Variants in PTPN14 observed in about 807,000 individuals in gnomAD.
PTPN14 encodes the protein tyrosine-protein phosphatase non-receptor type 14.
In PTPN14, 53 loss-of-function variants were observed where a neutral mutation model predicts 126.8. That is an observed-to-expected ratio of 0.42 (90% CI 0.34 to 0.53). PTPN14 has a LOEUF of 0.53. Ranked by LOEUF, PTPN14 falls within the 20% of genes least tolerant of loss-of-function variation. The pLI is 0.08. For synonymous variants in PTPN14, 630 were observed against 599.3 expected, an observed-to-expected ratio of 1.05 and a Z score of -0.75; for missense variants, 1,257 against 1,552.9, an observed-to-expected ratio of 0.81 and a Z score of 3.20.
intron 3 of PTPN14, among the ~76,000 whole-genome samples, chr1:214,428,200 G>A (rs1659712793): frequency 6.6e-6 from 1 of 152,214 alleles, no homozygotes; most frequent in Non-Finnish European, 1.5e-5. Context: ...TACAGTGGAC[G>A]CAGAAGGAAG....
chr1:214,466,799 C>T (rs1328269624), intron 1 of PTPN14, among the ~76,000 whole-genome samples: 1 of 152,152 alleles, frequency 6.6e-6, no homozygotes, highest in African/African-American at 2.4e-5. Context: ...CCCCAAGACA[C>T]TTGGATGTAC....
At chr1:214,360,911 T>G (rs764365646) in intron 18 of PTPN14, among the ~76,000 whole-genome samples, 5 of 152,192 alleles carry the variant, frequency 3.3e-5, no homozygotes, top group Non-Finnish European at 5.9e-5. Context: ...CCTCTTGCTG[T>G]TCTTGTGACA....
At chr1:214,412,433 A>T (rs1243008388) in intron 4 of PTPN14, among the ~76,000 whole-genome samples, 1 of 152,170 alleles carries the variant, frequency 6.6e-6, no homozygotes, top group Non-Finnish European at 1.5e-5. Context: ...GTAACAAGAG[A>T]TATAGGATGA....
At chr1:214,363,860 G>A (rs1658009996) in intron 18 of PTPN14, among the ~76,000 whole-genome samples, 1 of 152,168 alleles carries the variant, frequency 6.6e-6, no homozygotes, top group Non-Finnish European at 1.5e-5. Context: ...GTCTCTCAGT[G>A]TAACTCCCTA....
At chr1:214,409,813 T>C (rs1319058536) in intron 5 of PTPN14, among the ~76,000 whole-genome samples, 4 of 152,256 alleles carry the variant, frequency 2.6e-5, no homozygotes, top group South Asian at 4.1e-4. Context: ...TCAATAACAC[T>C]TGTTATTGTT....
chr1:214,526,360 T>C (rs571504690), intron 1 of PTPN14, among the ~76,000 whole-genome samples: 1 of 152,258 alleles, frequency 6.6e-6, no homozygotes, highest in South Asian at 2.1e-4. Context: ...ATACCAACAG[T>C]AATTCAAATA....
At chr1:214,450,787 T>A (rs1161801560) in intron 3 of PTPN14, among the ~76,000 whole-genome samples, 2 of 152,204 alleles carry the variant, frequency 1.3e-5, no homozygotes, top group East Asian at 3.9e-4. Context: ...AAATGAACTA[T>A]ACCAACATCA....
In PTPN14 at chr1:214,383,638, C is replaced by T. The variant is rs763777645; in HGVS notation, c.2217G>A (p.Ala739=). 2.4e-5 allele frequency: 38 copies of T among 1,613,198 alleles called. No homozygotes were observed. Among genetic ancestry groups the T allele is most frequent in the East Asian group, 6.7e-5 (3 of 44,882 alleles). The change falls in exon 13 of 19, where the codon GCG becomes GCA. Residue 739 remains alanine (A), a synonymous_variant. Transcript: ENST00000366956. The surrounding 1 kb of genome is among the most constrained non-coding windows in gnomAD (Gnocchi z 4.4). Reference sequence around the variant, plus strand: ...GCTTGTTGGGGATGCGGGCCAGGGCCGCCTGCAGCTGGGCACTGTACTCCA... The same window carrying T: ...GCTTGTTGGGGATGCGGGCCAGGGCTGCCTGCAGCTGGGCACTGTACTCCA... ...EKMEYSAQLQ[A]ALARIPNKPP...
intron 5 of PTPN14, among the ~76,000 whole-genome samples, chr1:214,407,754 C>T (rs1489166404): frequency 6.6e-6 from 1 of 152,146 alleles, no homozygotes; most frequent in Non-Finnish European, 1.5e-5. Flanking sequence ...CCTTGCTTTG[C>T]TTTCTTGTTT....
chr1:214,504,508 C>G (rs1654785110), intron 1 of PTPN14, among the ~76,000 whole-genome samples: 1 of 152,156 alleles, frequency 6.6e-6, no homozygotes, highest in Admixed American at 6.5e-5. Flanking sequence ...CAACTTGACG[C>G]AAGCAAATGG....
chr1:214,490,824 G>A (rs369673295), intron 1 of PTPN14, among the ~76,000 whole-genome samples: 3 of 127,204 alleles, frequency 2.4e-5, no homozygotes, highest in African/African-American at 5.9e-5. Context: ...GTGACAGAGC[G>A]AGACGGAAGG....
Position 214,384,223 on chromosome 1 carries a change from G to A in PTPN14, c.1632C>T (p.Asn544=), listed in dbSNP as rs1658551761. The change falls in exon 13 of 19, where the codon AAC becomes AAT. Residue 544 remains asparagine, a synonymous_variant. Transcript: ENST00000366956. The surrounding 1 kb of genome is among the most constrained non-coding windows in gnomAD (Gnocchi z 5.3). ...AGTTATGGCTGCCCTGCAGCTGCAT[G>A]TTGGCCAGCTCTGGGGTGCTCACCG... The part of the protein sequence containing the change: ...SHTVSTPELA[N]MQLQGSHNYS... The A allele has an allele frequency of 6.2e-7, 1 of 1,613,516 alleles. No individual in the cohort carries two copies. Among genetic ancestry groups the A allele is most frequent in the Non-Finnish European group, 8.5e-7 (1 of 1,179,888 alleles).
chr1:214,507,222 T>C (rs183421006), intron 1 of PTPN14, among the ~76,000 whole-genome samples: 1 of 152,300 alleles, frequency 6.6e-6, no homozygotes, highest in Admixed American at 6.5e-5. Context: ...GAGCAGTAGG[T>C]CTCATCAAAG....
chr1:214,451,653 A>G, intron 3 of PTPN14, 152 bp downstream of exon 3: 1 of 878,850 alleles, frequency 1.1e-6, no homozygotes, highest in Non-Finnish European at 1.7e-6. Flanking sequence ...CAAAGCAATG[A>G]GTAAACAACC....
chr1:214,502,450 A>C (rs1414916445), intron 1 of PTPN14, among the ~76,000 whole-genome samples: 1 of 152,238 alleles, frequency 6.6e-6, no homozygotes, highest in African/African-American at 2.4e-5. Context: ...GTGGTAAACA[A>C]GAAAAACATA....
At chr1:214,474,442 T>C (rs556873310) in intron 1 of PTPN14, among the ~76,000 whole-genome samples, 115 of 152,258 alleles carry the variant, frequency 7.6e-4, no homozygotes, top group Non-Finnish European at 7.8e-4. Flanking sequence ...GGGGCTGTCA[T>C]TACAGACAAG....
chr1:214,443,464 G>A (rs968633444), intron 3 of PTPN14, among the ~76,000 whole-genome samples: 6 of 152,088 alleles, frequency 3.9e-5, no homozygotes, highest in Middle Eastern at 3.2e-3. Context: ...TTGTTCCCTT[G>A]AGGGTTTATT....
At chr1:214,549,910 C>A (rs1656064789) in intron 1 of PTPN14, among the ~76,000 whole-genome samples, 1 of 152,178 alleles carries the variant, frequency 6.6e-6, no homozygotes. Flanking sequence ...GCTATCCCAG[C>A]AACACTGCAC....
intron 1 of PTPN14, among the ~76,000 whole-genome samples, chr1:214,501,296 C>T (rs1232081685): frequency 6.6e-6 from 1 of 152,080 alleles, no homozygotes; most frequent in Non-Finnish European, 1.5e-5. Context: ...GACTGCAGTC[C>T]AGTGGCACTC....
Sources: allele counts gnomAD v4.1 joint callset (sites outside exome capture counted in the v4.1 genomes callset), GRCh38; gene constraint gnomAD v4.1.1; non-coding constraint Gnocchi (gnomAD v3.1); transcripts MANE v1.5; gene names NCBI Gene and HGNC (gene_info 2026-07-23, HGNC 2026-07-21).